KRTAP10-8: variants seen among roughly 807,000 people sequenced by gnomAD.
KRTAP10-8 encodes the protein keratin-associated protein 10-8.
For missense variants in KRTAP10-8, 323 were observed against 329.3 expected (o/e 0.98, Z 0.15); for synonymous variants, 153 against 139.5 (o/e 1.10, Z -0.68).
Position 44,612,887 on chromosome 21 carries a change from T to C in KRTAP10-8, c.*7T>C. On this transcript the variant is annotated 3_prime_UTR_variant, in exon 1 of 1. Coordinates refer to ENST00000334662, the MANE Select transcript of KRTAP10-8 (RefSeq NM_198695.2). This position sits in a 1 kb window ranked among gnomAD's most constrained non-coding sequence, Gnocchi z 4.1. ...CTCCCGCCTGGCCTGCTGAGGCCTCTGCTCAGGCCAGGAGTCCAGCTGCTG... is the reference window on the plus strand; with the variant it reads ...CTCCCGCCTGGCCTGCTGAGGCCTCCGCTCAGGCCAGGAGTCCAGCTGCTG... 3 of 1,610,410 alleles carry C rather than the reference T, an allele frequency of 1.9e-6. No homozygotes were observed. Among genetic ancestry groups the C allele is most frequent in the Non-Finnish European group, 2.5e-6 (3 of 1,179,446 alleles).
Position 44,612,267 on chromosome 21 carries a change from G to C in KRTAP10-8, c.167G>C (p.Cys56Ser). Residue 56 changes from cysteine (C) to serine (S), a missense_variant, in exon 1 of 1, where the codon TGT becomes TCT. Transcript: ENST00000334662. The surrounding 1 kb of genome is among the most constrained non-coding windows in gnomAD (Gnocchi z 4.1). ...CQESCCEPRS[C>S]ASSCCTPSCC... is the part of the protein sequence containing the mutation. ...GAAAGCTGCTGCGAGCCCCGCTCCT[G>C]TGCCTCCAGCTGCTGTACCCCTAGC... is the stretch of plus-strand genomic sequence containing the variant. The C allele has an allele frequency of 6.2e-7, 1 of 1,613,576 alleles. No homozygotes were observed. Among genetic ancestry groups the C allele is most frequent in the East Asian group, 2.2e-5 (1 of 44,884 alleles).
Position 44,612,084 on chromosome 21 carries a change from C to T in KRTAP10-8, c.-17C>T. The T allele has an allele frequency of 1.2e-6, 2 of 1,607,796 alleles. No individual in the cohort carries two copies. Among genetic ancestry groups the T allele is most frequent in the Non-Finnish European group, 1.7e-6 (2 of 1,175,738 alleles). ...CACCTCACACCAGCACTCACACCAC[C>T]CAGTCCAGCACCCACCATGGCTGAC... is the stretch of plus-strand genomic sequence containing the variant. On this transcript the variant is annotated 5_prime_UTR_variant, in exon 1 of 1. Coordinates refer to ENST00000334662, the MANE Select transcript of KRTAP10-8 (RefSeq NM_198695.2). This position sits in a 1 kb window ranked among gnomAD's most constrained non-coding sequence, Gnocchi z 4.1.
Position 44,612,144 on chromosome 21 carries a change from C to T in KRTAP10-8, c.44C>T (p.Ser15Phe), listed in dbSNP as rs782295068. 1.2e-6 allele frequency: 2 copies of T among 1,614,128 alleles called. No homozygotes were observed. The highest frequency in any genetic ancestry group is 1.1e-5 in the South Asian group (1 of 91,084). Reference sequence around the variant, plus strand: ...ACCAGGACGTATGTGATTGCTGCATCCACCATGTCTGTCTGCTCCAGTGAC... The same window carrying T: ...ACCAGGACGTATGTGATTGCTGCATTCACCATGTCTGTCTGCTCCAGTGAC... ...CCTRTYVIAA[S>F]TMSVCSSDVG... Residue 15 changes from serine (S) to phenylalanine (F), a missense_variant, in exon 1 of 1, where the codon TCC (serine) becomes TTC (phenylalanine). Physicochemically the swap from Ser to Phe is radical, Grantham distance 155 (BLOSUM62 -2). Transcript: ENST00000334662. The surrounding 1 kb of genome is among the most constrained non-coding windows in gnomAD (Gnocchi z 4.1).
At position 44,612,856 on chromosome 21, in the gene KRTAP10-8, C is replaced by G; in HGVS notation, c.756C>G (p.Pro252=). Residue 252 remains proline (P), a synonymous_variant, in exon 1 of 1, where the codon CCC becomes CCG. Coordinates refer to ENST00000334662, the MANE Select transcript of KRTAP10-8 (RefSeq NM_198695.2). The surrounding 1 kb of genome is among the most constrained non-coding windows in gnomAD (Gnocchi z 4.1). ...CCTGCCTGTCCTTCCTCTGCCGCCCCGCGTGCTCCCGCCTGGCCTGCTGAG... is the reference window on the plus strand; with the variant it reads ...CCTGCCTGTCCTTCCTCTGCCGCCCGGCGTGCTCCCGCCTGGCCTGCTGAG... ...PASCLSFLCR[P]ACSRLAC is the part of the protein sequence containing the mutation. 1.2e-6 allele frequency: 2 copies of G among 1,612,182 alleles called. No individual in the cohort carries two copies. The highest frequency in any genetic ancestry group is 2.2e-5 in the East Asian group (1 of 44,854).
Position 44,612,484 on chromosome 21 carries a change from C to T in KRTAP10-8, c.384C>T (p.Cys128=). The T allele has an allele frequency of 6.2e-7, 1 of 1,610,066 alleles. No individual in the cohort carries two copies. Among genetic ancestry groups the T allele is most frequent in the Non-Finnish European group, 8.5e-7 (1 of 1,177,122 alleles). ...CCVPVCCKSN[C]CKPVCCVSIC... Reference sequence around the variant, plus strand: ...TGCCTGTGTGCTGCAAGTCCAACTGCTGCAAGCCCGTGTGCTGCGTGTCCA... The same window carrying T: ...TGCCTGTGTGCTGCAAGTCCAACTGTTGCAAGCCCGTGTGCTGCGTGTCCA... Residue 128 remains cysteine (C), a synonymous_variant, in exon 1 of 1, where the codon TGC becomes TGT. Coordinates refer to ENST00000334662, the MANE Select transcript of KRTAP10-8 (RefSeq NM_198695.2). This position sits in a 1 kb window ranked among gnomAD's most constrained non-coding sequence, Gnocchi z 4.1.
rs782578741 is a variant in KRTAP10-8 at position 44,612,632 on chromosome 21, C to A, written c.532C>A (p.Pro178Thr). 12 of 1,613,690 alleles carry A rather than the reference C, an allele frequency of 7.4e-6. No homozygotes were observed. The highest frequency in any genetic ancestry group is 1.3e-5 in the African/African-American group (1 of 74,788). ...PICCKPICCV[P>T]VCSGASSLCC... ...CTGCTGCAAGCCCATCTGCTGTGTG[C>A]CTGTCTGCTCTGGGGCTTCCTCTCT... The change falls in exon 1 of 1, where the codon CCT (proline) becomes ACT (threonine). Residue 178 changes from proline (P) to threonine (T), a missense_variant. Coordinates refer to ENST00000334662, the MANE Select transcript of KRTAP10-8 (RefSeq NM_198695.2). This position sits in a 1 kb window ranked among gnomAD's most constrained non-coding sequence, Gnocchi z 4.1.
chr21:44,612,790 C>G lies in KRTAP10-8; in HGVS notation c.690C>G (p.Val230=). 1 of 1,613,584 alleles carries G rather than the reference C, an allele frequency of 6.2e-7. No individual in the cohort carries two copies. The highest frequency in any genetic ancestry group is 1.1e-5 in the South Asian group (1 of 91,052). The change falls in exon 1 of 1, where the codon GTC becomes GTG. Residue 230 remains valine, a synonymous_variant. Transcript: ENST00000334662. This position sits in a 1 kb window ranked among gnomAD's most constrained non-coding sequence, Gnocchi z 4.1. ...GTGTGCCTGTCCCCTCCTGTTGTGT[C>G]CCTGCCTCCTCCTGCCAGCCCAGCT... The part of the protein sequence containing the change: ...ACCVPVPSCC[V]PASSCQPSCC...
Position 44,612,517 on chromosome 21 carries a change from T to G in KRTAP10-8, c.417T>G (p.Ser139=). ...CKPVCCVSIC[S]GASSPCCQQS... ...CCGTGTGCTGCGTGTCCATCTGCTC[T>G]GGAGCTTCCTCCCCATGCTGCCAGC... Residue 139 remains serine, a synonymous_variant, in exon 1 of 1, where the codon TCT becomes TCG. Transcript: ENST00000334662. The surrounding 1 kb of genome is among the most constrained non-coding windows in gnomAD (Gnocchi z 4.1). 6.2e-7 allele frequency: 1 copy of G among 1,609,648 alleles called. No individual in the cohort carries two copies. Among genetic ancestry groups the G allele is most frequent in the Non-Finnish European group, 8.5e-7 (1 of 1,177,040 alleles).
rs782784062 is a variant in KRTAP10-8 at position 44,612,310 on chromosome 21, C to T, written c.210C>T (p.Pro70=). The change falls in exon 1 of 1, where the codon CCC becomes CCT. Residue 70 remains proline, a synonymous_variant. Coordinates refer to ENST00000334662, the MANE Select transcript of KRTAP10-8 (RefSeq NM_198695.2). This position sits in a 1 kb window ranked among gnomAD's most constrained non-coding sequence, Gnocchi z 4.1. ...CCCCTAGCTGCTGTGCCCCAGCCCC[C>T]TGCCTGGCCCTGGTCTGTGCCCCAG... ...CCTPSCCAPA[P]CLALVCAPVS... is the part of the protein sequence containing the mutation. The T allele has an allele frequency of 6.2e-7, 1 of 1,613,656 alleles. No homozygotes were observed. The highest frequency in any genetic ancestry group is 1.1e-5 in the South Asian group (1 of 91,076).
chr21:44,612,276 G>A lies in KRTAP10-8; in HGVS notation c.176G>A (p.Ser59Asn). 2 of 1,613,546 alleles carry A rather than the reference G, an allele frequency of 1.2e-6. No homozygotes were observed. Among genetic ancestry groups the A allele is most frequent in the Admixed American group, 1.7e-5 (1 of 60,024 alleles). ...SCCEPRSCAS[S>N]CCTPSCCAPA... The stretch of plus-strand genomic sequence containing the variant: ...TGCGAGCCCCGCTCCTGTGCCTCCA[G>A]CTGCTGTACCCCTAGCTGCTGTGCC... The change falls in exon 1 of 1, where the codon AGC (serine) becomes AAC (asparagine). Residue 59 changes from serine to asparagine, a missense_variant. By Grantham distance (46) the Ser-to-Asn change is conservative (BLOSUM62 1). Transcript: ENST00000334662. The surrounding 1 kb of genome is among the most constrained non-coding windows in gnomAD (Gnocchi z 4.1).
Position 44,612,661 on chromosome 21 carries a change from C to T in KRTAP10-8, c.561C>T (p.Cys187=). The T allele has an allele frequency of 2.5e-6, 4 of 1,614,160 alleles. No homozygotes were observed. The highest frequency in any genetic ancestry group is 3.4e-6 in the Non-Finnish European group (4 of 1,180,028). The change falls in exon 1 of 1, where the codon TGC becomes TGT. Residue 187 remains cysteine, a synonymous_variant. Coordinates refer to ENST00000334662, the MANE Select transcript of KRTAP10-8 (RefSeq NM_198695.2). The surrounding 1 kb of genome is among the most constrained non-coding windows in gnomAD (Gnocchi z 4.1). ...TCTGCTCTGGGGCTTCCTCTCTGTG[C>T]TGCCAGAAGTCTAGCTGCCAGCCGG... ...VPVCSGASSL[C]CQKSSCQPAC...
chr21:44,612,442 C>T lies in KRTAP10-8; in HGVS notation c.342C>T (p.Cys114=), dbSNP rs144828177. The T allele has an allele frequency of 5.5e-5, 89 of 1,614,000 alleles. No individual in the cohort carries two copies. Among genetic ancestry groups the T allele is most frequent in the Non-Finnish European group, 7.5e-5 (88 of 1,180,020 alleles). The change falls in exon 1 of 1, where the codon TGC becomes TGT. Residue 114 remains cysteine (C), a synonymous_variant. Transcript: ENST00000334662. This position sits in a 1 kb window ranked among gnomAD's most constrained non-coding sequence, Gnocchi z 4.1. The part of the protein sequence containing the change: ...CQPACCTSSP[C]QQACCVPVCC... The stretch of plus-strand genomic sequence containing the variant: ...CGGCTTGCTGCACCTCCTCCCCCTG[C>T]CAACAGGCCTGCTGTGTGCCTGTGT...
chr21:44,612,911 T>C lies in KRTAP10-8; in HGVS notation c.*31T>C, dbSNP rs782596137. 156 of 1,605,330 alleles carry C rather than the reference T, an allele frequency of 9.7e-5. No individual in the cohort carries two copies. Among genetic ancestry groups the C allele is most frequent in the Admixed American group, 3.0e-4 (18 of 59,858 alleles). On this transcript the variant is annotated 3_prime_UTR_variant, in exon 1 of 1. Transcript: ENST00000334662. This position sits in a 1 kb window ranked among gnomAD's most constrained non-coding sequence, Gnocchi z 4.1. ...CTGCTCAGGCCAGGAGTCCAGCTGC[T>C]GATGGGCACGTCCCCCAGGGCCAGC...
At chr21:44,612,209 AC>A in the KRTAP10-8 span, 1 of 1,613,892 alleles carries the variant, frequency 6.2e-7, no homozygotes, top group Non-Finnish European at 8.5e-7. The surrounding 1 kb of genome is among the most constrained non-coding windows in gnomAD (Gnocchi z 4.1). Flanking sequence ...CAGCACCTGC[AC>A]TGGCTCCTCC....
Position 44,612,735 on chromosome 21 carries a change from T to C in KRTAP10-8, c.635T>C (p.Leu212Pro). ...CCRPSSSVSLLCRPVCRPACC... is the reference protein window; with the variant it reads ...CCRPSSSVSLPCRPVCRPACC... ...AGACCCTCCTCCTCCGTGTCCCTCC[T>C]CTGCCGCCCTGTGTGCCGGCCTGCC... Residue 212 changes from leucine (L) to proline (P), a missense_variant, in exon 1 of 1, where the codon CTC becomes CCC. Transcript: ENST00000334662. The surrounding 1 kb of genome is among the most constrained non-coding windows in gnomAD (Gnocchi z 4.1). The C allele has an allele frequency of 6.2e-7, 1 of 1,613,658 alleles. No homozygotes were observed. Among genetic ancestry groups the C allele is most frequent in the South Asian group, 1.1e-5 (1 of 91,044 alleles).
chr21:44,612,834 G>A lies in KRTAP10-8; in HGVS notation c.734G>A (p.Cys245Tyr), dbSNP rs1555931536. Residue 245 changes from cysteine (C) to tyrosine (Y), a missense_variant, in exon 1 of 1, where the codon TGC (cysteine) becomes TAC (tyrosine). By Grantham distance (194) the Cys-to-Tyr change is radical (BLOSUM62 -2). Coordinates refer to ENST00000334662, the MANE Select transcript of KRTAP10-8 (RefSeq NM_198695.2). This position sits in a 1 kb window ranked among gnomAD's most constrained non-coding sequence, Gnocchi z 4.1. ...CQPSCCHPAS[C>Y]LSFLCRPACS... ...CCCAGCTGCTGCCACCCGGCCTCCT[G>A]CCTGTCCTTCCTCTGCCGCCCCGCG... The A allele has an allele frequency of 6.2e-6, 10 of 1,612,574 alleles. No individual in the cohort carries two copies. The highest frequency in any genetic ancestry group is 8.5e-6 in the Non-Finnish European group (10 of 1,179,740).
At position 44,612,527 on chromosome 21, in the gene KRTAP10-8, T is replaced by A. The variant is rs1386348368; in HGVS notation, c.427T>A (p.Ser143Thr). 5.0e-6 allele frequency: 8 copies of A among 1,605,742 alleles called. No individual in the cohort carries two copies. The highest frequency in any genetic ancestry group is 1.7e-5 in the Admixed American group (1 of 59,522). ...CCVSICSGAS[S>T]PCCQQSSCQS... ...CGTGTCCATCTGCTCTGGAGCTTCC[T>A]CCCCATGCTGCCAGCAGTCTAGCTG... is the stretch of plus-strand genomic sequence containing the variant. The change falls in exon 1 of 1, where the codon TCC (serine) becomes ACC (threonine). Residue 143 changes from serine (S) to threonine (T), a missense_variant. By Grantham distance (58) the Ser-to-Thr change is moderately conservative. Transcript: ENST00000334662. This position sits in a 1 kb window ranked among gnomAD's most constrained non-coding sequence, Gnocchi z 4.1.
chr21:44,612,095 C>T lies in KRTAP10-8; in HGVS notation c.-6C>T, dbSNP rs782563258. On this transcript the variant is annotated 5_prime_UTR_variant, in exon 1 of 1. Transcript: ENST00000334662. The surrounding 1 kb of genome is among the most constrained non-coding windows in gnomAD (Gnocchi z 4.1). ...AGCACTCACACCACCCAGTCCAGCA[C>T]CCACCATGGCTGACGCCTGCTGCAC... 2 of 1,611,890 alleles carry T rather than the reference C, an allele frequency of 1.2e-6. No individual in the cohort carries two copies. Among genetic ancestry groups the T allele is most frequent in the Non-Finnish European group, 1.7e-6 (2 of 1,178,854 alleles).
In KRTAP10-8 at chr21:44,612,191, T is replaced by C. The variant is rs1555931134; in HGVS notation, c.91T>C (p.Ser31Pro). ...TGACGTGGGCCATGTCAGCCGAGTCTCCTCCCCCAGCACCTGCACTGGCTC... is the reference window on the plus strand; with the variant it reads ...TGACGTGGGCCATGTCAGCCGAGTCCCCTCCCCCAGCACCTGCACTGGCTC... The part of the protein sequence containing the change: ...SSDVGHVSRV[S>P]SPSTCTGSSW... The change falls in exon 1 of 1, where the codon TCC becomes CCC. Residue 31 changes from serine to proline, a missense_variant. Ser to Pro is a moderately conservative substitution (Grantham distance 74). Transcript: ENST00000334662. This position sits in a 1 kb window ranked among gnomAD's most constrained non-coding sequence, Gnocchi z 4.1. 1.2e-5 allele frequency: 19 copies of C among 1,613,878 alleles called. No homozygotes were observed. The highest frequency in any genetic ancestry group is 1.6e-5 in the Non-Finnish European group (19 of 1,179,960).
Sources: allele counts gnomAD v4.1 joint callset, GRCh38; gene constraint gnomAD v4.1.1; non-coding constraint Gnocchi (gnomAD v3.1); transcripts MANE v1.5; gene names NCBI Gene and HGNC (gene_info 2026-07-23, HGNC 2026-07-21).